FXR1: variants seen among roughly 807,000 people sequenced by gnomAD.
The protein encoded by FXR1 is FMR1 autosomal homolog 1, also known as RNA-binding protein FXR1.
In FXR1, 15 loss-of-function variants were observed where a neutral mutation model predicts 84.0. The observed-to-expected ratio is 0.18, with a 90% CI of 0.12 to 0.27. The LOEUF (loss-of-function observed/expected upper bound fraction) is 0.27. Among genes scored for constraint, FXR1 ranks in the 10% least tolerant of loss-of-function variants. FXR1 has a pLI of 1.00. For synonymous variants in FXR1, 245 were observed against 250.7 expected, an observed-to-expected ratio of 0.98 and a Z score of 0.21; for missense variants, 480 against 774.4, an observed-to-expected ratio of 0.62 and a Z score of 4.51.
At chr3:180,947,756 T>A (rs987051626) in intron 3 of FXR1, 109 bp from the exon 4 acceptor site, 3 of 510,496 alleles carry the variant, frequency 5.9e-6, no homozygotes, top group African/African-American at 3.9e-5. Flanking sequence ...TTAAATAAAA[T>A]AGCATTTTTC....
chr3:180,963,255 A>G (rs1162909213), intron 13 of FXR1, among the ~76,000 whole-genome samples, 165 bp downstream of exon 13: 1 of 152,142 alleles, frequency 6.6e-6, no homozygotes, highest in African/African-American at 2.4e-5. Flanking sequence ...TAGTGATAGT[A>G]TACATTAAAA....
At chr3:180,947,260 T>G (rs1721795512) in intron 3 of FXR1, among the ~76,000 whole-genome samples, 1 of 152,168 alleles carries the variant, frequency 6.6e-6, no homozygotes, top group African/African-American at 2.4e-5. Context: ...TTGGTCAGCC[T>G]TGTCTCGAAC....
chr3:180,935,172 G>A lies in FXR1; in HGVS notation c.139G>A (p.Val47Ile). 2.5e-6 allele frequency: 4 copies of A among 1,587,424 alleles called. No individual in the cohort carries two copies. The highest frequency in any genetic ancestry group is 3.5e-6 in the Non-Finnish European group (4 of 1,156,112). ...QPERQVPFNE[V>I]RLPPPPDIKK... Reference sequence around the variant, plus strand: ...AGAACGCCAGGTTCCATTTAATGAAGTTAGATTACCACCACCACCTGATAT... The same window carrying A: ...AGAACGCCAGGTTCCATTTAATGAAATTAGATTACCACCACCACCTGATAT... The change falls in exon 3 of 17, where the codon GTT (valine) becomes ATT (isoleucine). Residue 47 changes from valine (V) to isoleucine (I), a missense_variant. Physicochemically the swap from Val to Ile is conservative, Grantham distance 29. Transcript: ENST00000357559.
chr3:180,925,491 TA>T (rs1719066048), intron 1 of FXR1, among the ~76,000 whole-genome samples: 1 of 152,226 alleles, frequency 6.6e-6, no homozygotes, highest in Non-Finnish European at 1.5e-5. Flanking sequence ...AACATTTTGA[TA>T]AGAAACCGCG....
Position 180,977,009 on chromosome 3 carries a change from A to T in FXR1, c.*717A>T. 6.6e-6 allele frequency: 1 copy of T among 152,634 alleles called. No individual in the cohort carries two copies. The highest frequency in any genetic ancestry group is 3.4e-3 in the Middle Eastern group (1 of 292). 9.5% of individuals were successfully genotyped at this position (152,634 alleles called of 1,614,324 possible). On this transcript the variant is annotated 3_prime_UTR_variant, in exon 17 of 17. Transcript: ENST00000357559. ...CATAACCTGAACTACTGAAAAGATC[A>T]ATTTCCAGAAGGTTTATTCTGTATA...
At chr3:180,924,466 C>T (rs1560162724) in intron 1 of FXR1, among the ~76,000 whole-genome samples, 1 of 152,106 alleles carries the variant, frequency 6.6e-6, no homozygotes, top group Non-Finnish European at 1.5e-5. Flanking sequence ...TTTTGAAAAT[C>T]CTGTTAAATG....
chr3:180,953,940 C>T, intron 9 of FXR1, 100 bp downstream of exon 9: 1 of 656,912 alleles, frequency 1.5e-6, no homozygotes, highest in Non-Finnish European at 2.7e-6. Flanking sequence ...TAACCTTATT[C>T]CAGTTATGTG....
In FXR1 at chr3:180,975,315, A is replaced by T; in HGVS notation, c.1606A>T (p.Thr536Ser). ...TASVNENGLV[T>S]VADYISRAES... ...AATTTTTTTCTCATCTTTAACAGTC[A>T]CAGTTGCAGATTATATTTCTAGAGC... The change falls in exon 16 of 17, where the codon ACA (threonine) becomes TCA (serine). Residue 536 changes from threonine to serine, a missense_variant and splice_region_variant. Thr to Ser is a moderately conservative substitution (Grantham distance 58, BLOSUM62 1). This residue lies in a region of FXR1 where 157 missense variants were observed against 227.8 expected (regional missense o/e 0.69). Transcript: ENST00000357559. 1 of 1,352,966 alleles carries T rather than the reference A, an allele frequency of 7.4e-7. No homozygotes were observed. Among genetic ancestry groups the T allele is most frequent in the Non-Finnish European group, 1.0e-6 (1 of 971,814 alleles). 83.8% of individuals were successfully genotyped at this position (1,352,966 alleles called of 1,614,324 possible).
At chr3:180,951,236 C>A in intron 7 of FXR1, 62 bp from the exon 8 acceptor site, 1 of 1,046,648 alleles carries the variant, frequency 9.6e-7, no homozygotes, top group Non-Finnish European at 1.5e-6. Flanking sequence ...AAAAACCAAA[C>A]CATACAAAAA....
At chr3:180,940,580 G>GTTTTGTTTTTTTTT (rs746815811) in intron 3 of FXR1, among the ~76,000 whole-genome samples, 2 of 146,108 alleles carry the variant, frequency 1.4e-5, no homozygotes, top group African/African-American at 2.7e-5. Flanking sequence ...GTTTTTTTCT[G>GTTTTGTTTTTTTTT]TTTTCTTTTT....
In FXR1 at chr3:180,977,920, C is replaced by G. The variant is rs562144458; in HGVS notation, c.*1628C>G. On this transcript the variant is annotated 3_prime_UTR_variant, in exon 17 of 17. Coordinates refer to ENST00000357559, the MANE Select transcript of FXR1 (RefSeq NM_005087.4). ...GGTTAAAATGTGCTGGTATTACGTG[C>G]TTTTTCCTGAGGCCTTCTGATTGGT... The G allele has an allele frequency of 6.6e-6, 1 of 152,034 alleles. No individual in the cohort carries two copies. Among genetic ancestry groups the G allele is most frequent in the Non-Finnish European group, 1.5e-5 (1 of 67,942 alleles). The allele number at this position is 152,034 out of a possible 1,614,324, so 9.4% of individuals were successfully genotyped here. A position where few individuals can be genotyped will look rare whatever the true frequency, so the allele number is the denominator to read the frequency against.
chr3:180,965,841 T>A (rs1419475297), intron 13 of FXR1, among the ~76,000 whole-genome samples: 2 of 152,182 alleles, frequency 1.3e-5, no homozygotes, highest in African/African-American at 4.8e-5. Context: ...CCTGCTGAAA[T>A]CTATGATTTA....
intron 9 of FXR1, chr3:180,957,580 T>C: frequency 2.7e-6 from 1 of 369,436 alleles, no homozygotes; most frequent in Non-Finnish European, 4.9e-6. Flanking sequence ...ATTCCTTACA[T>C]GTGAGCACTG....
chr3:180,971,068 A>T (rs769906729), intron 15 of FXR1: 2 of 1,188,270 alleles, frequency 1.7e-6, no homozygotes, highest in Admixed American at 2.9e-5. Context: ...AAACTTTGCA[A>T]TTACAGATGA....
chr3:180,955,728 A>T (rs1383453904), intron 9 of FXR1, among the ~76,000 whole-genome samples: 2 of 152,202 alleles, frequency 1.3e-5, no homozygotes, highest in African/African-American at 4.8e-5. Context: ...CAAGTCTGTC[A>T]ATTATAAAAG....
intron 10 of FXR1, among the ~76,000 whole-genome samples, chr3:180,960,674 A>G (rs563097383): frequency 2.0e-5 from 3 of 152,256 alleles, no homozygotes; most frequent in African/African-American, 7.2e-5. Flanking sequence ...CATGCTGCCC[A>G]GGCTGGTCTC....
intron 1 of FXR1, among the ~76,000 whole-genome samples, chr3:180,920,378 CTG>C (rs1307863207): frequency 1.3e-5 from 2 of 152,056 alleles, no homozygotes; most frequent in Non-Finnish European, 2.9e-5. Context: ...TTGGTTCAAA[CTG>C]AATTTAAATG....
At chr3:180,965,806 G>T (rs995073879) in intron 13 of FXR1, among the ~76,000 whole-genome samples, 5 of 152,004 alleles carry the variant, frequency 3.3e-5, no homozygotes, top group African/African-American at 1.2e-4. Flanking sequence ...AAATTTTGGG[G>T]GGTACGGCCT....
chr3:180,956,616 A>G (rs1298054618), intron 9 of FXR1, among the ~76,000 whole-genome samples: 2 of 152,108 alleles, frequency 1.3e-5, no homozygotes, highest in East Asian at 1.9e-4. Flanking sequence ...TCACTGTGTT[A>G]ACAATGAAGG....
Sources: allele counts gnomAD v4.1 joint callset (sites outside exome capture counted in the v4.1 genomes callset), GRCh38; gene constraint gnomAD v4.1.1; regional missense constraint gnomAD v4.1.1; transcripts MANE v1.5; gene names NCBI Gene and HGNC (gene_info 2026-07-23, HGNC 2026-07-21).